EBF3: variants seen among roughly 807,000 people sequenced by gnomAD.
EBF3 encodes transcription factor COE3.
Under a neutral mutation model 77.1 loss-of-function variants are expected in EBF3, and 18 were observed. The observed-to-expected ratio is 0.23, with a 90% CI of 0.16 to 0.35. The LOEUF (loss-of-function observed/expected upper bound fraction) is 0.35. Among genes scored for constraint, EBF3 ranks in the 10% least tolerant of loss-of-function variants. EBF3 has a pLI of 1.00. For missense variants in EBF3, 558 were observed against 860.0 expected (o/e 0.65, Z 4.39); for synonymous variants, 350 against 343.5 (o/e 1.02, Z -0.21).
intron 6 of EBF3, among the ~76,000 whole-genome samples, chr10:129,927,565 C>G (rs772990895): frequency 2.0e-5 from 3 of 152,180 alleles, no homozygotes; most frequent in Non-Finnish European, 4.4e-5. Context: ...ACCCTGGCAA[C>G]GACGGGGAGC....
At chr10:129,917,240 A>C (rs1231189369) in intron 6 of EBF3, among the ~76,000 whole-genome samples, 2 of 152,122 alleles carry the variant, frequency 1.3e-5, no homozygotes, top group Non-Finnish European at 2.9e-5. Context: ...GTGGTGGCAC[A>C]CGCCTGTAGT....
chr10:129,880,211 C>T (rs1266904657), intron 6 of EBF3, among the ~76,000 whole-genome samples: 1 of 152,102 alleles, frequency 6.6e-6, no homozygotes, highest in South Asian at 2.1e-4. Context: ...AGGACAAAGT[C>T]GGGTGCTGGA....
chr10:129,948,115 A>G (rs1325201852), intron 6 of EBF3, among the ~76,000 whole-genome samples: 1 of 151,968 alleles, frequency 6.6e-6, no homozygotes, highest in Non-Finnish European at 1.5e-5. Context: ...AAAATTAGCC[A>G]GGTGTGGTGG....
Position 129,952,958 on chromosome 10 carries a change from G to A in EBF3, c.554+4300C>T, listed in dbSNP as rs1420843389. On this transcript the variant is annotated intron_variant, in intron 6 of 16. Coordinates refer to ENST00000440978, the MANE Select transcript of EBF3 (RefSeq NM_001375380.1). The surrounding 1 kb of genome is among the most constrained non-coding windows in gnomAD (Gnocchi z 4.7). The stretch of plus-strand genomic sequence containing the variant: ...AAAAGTCAATCCCATGAATAATTCA[G>A]TGAGCAGGACTGCCAGCAAAGGTCG... 2.0e-5 allele frequency among the ~76,000 whole-genome samples: 3 copies of A among 151,152 alleles called. No homozygotes were observed. Among genetic ancestry groups the A allele is most frequent in the African/African-American group, 7.3e-5 (3 of 41,026 alleles).
chr10:129,963,599 CCGGGGCCAGGGCGCGCGGGGG>C lies in EBF3; in HGVS notation c.134+15_134+35del, dbSNP rs1859708775. 1.6e-6 allele frequency: 2 copies of C among 1,266,112 alleles called. 1 individual carries two copies. Among genetic ancestry groups the C allele is most frequent in the Admixed American group, 8.3e-5 (2 of 24,152 alleles). 78.4% of individuals were successfully genotyped at this position (1,266,112 alleles called of 1,614,324 possible). On this transcript the variant is annotated intron_variant, in intron 1 of 16. Coordinates refer to ENST00000440978, the MANE Select transcript of EBF3 (RefSeq NM_001375380.1). This position sits in a 1 kb window ranked among gnomAD's most constrained non-coding sequence, Gnocchi z 7.1. ...CGGAGGGGGCCGGGCCGGGCCGGGG[CCGGGGCCAGGGCGCGCGGGGG>C]CGGCCGGTACGTACCTCTGGGCGGC... is the stretch of plus-strand genomic sequence containing the variant.
intron 4 of EBF3, among the ~76,000 whole-genome samples, chr10:129,960,151 C>T (rs913906369): frequency 6.6e-6 from 1 of 151,950 alleles, no homozygotes; most frequent in African/African-American, 2.4e-5. Context: ...GGGCGGGAGG[C>T]TGGGGCCGGG....
chr10:129,876,055 G>A (rs1222515166), intron 7 of EBF3, among the ~76,000 whole-genome samples: 1 of 152,196 alleles, frequency 6.6e-6, no homozygotes, highest in Non-Finnish European at 1.5e-5. Context: ...AAAGACACAG[G>A]CTTTGCAGTC....
chr10:129,907,677 A>G (rs1467752108), intron 6 of EBF3, among the ~76,000 whole-genome samples: 2 of 152,250 alleles, frequency 1.3e-5, no homozygotes, highest in African/African-American at 4.8e-5. Flanking sequence ...AAAATCTTTC[A>G]GTTTCAGTCA....
chr10:129,840,672 C>T (rs1849969121), intron 14 of EBF3, among the ~76,000 whole-genome samples, 172 bp downstream of exon 14: 1 of 152,184 alleles, frequency 6.6e-6, no homozygotes, highest in Non-Finnish European at 1.5e-5. Flanking sequence ...AATGAGATCA[C>T]ATCGGGCCCG....
intron 6 of EBF3, among the ~76,000 whole-genome samples, chr10:129,946,442 T>C (rs1858232099): frequency 6.6e-6 from 1 of 152,250 alleles, no homozygotes; most frequent in South Asian, 2.1e-4. Context: ...CCGGTAAATA[T>C]GCTGCTGACC....
intron 15 of EBF3, among the ~76,000 whole-genome samples, chr10:129,839,663 T>G (rs1212154302): frequency 6.6e-6 from 1 of 152,208 alleles, no homozygotes; most frequent in East Asian, 1.9e-4. Context: ...CAAAAGACAG[T>G]GCAGCCCTGC....
In EBF3 at chr10:129,864,603, C is replaced by G. The variant is rs144643808; in HGVS notation, c.1039+2538G>C. 1.3e-3 allele frequency among the ~76,000 whole-genome samples: 204 copies of G among 152,340 alleles called. 1 individual carries two copies. The highest frequency in any genetic ancestry group is 4.8e-3 in the African/African-American group (199 of 41,580). The stretch of plus-strand genomic sequence containing the variant: ...GAAGGCATCCACTAAAGCATTCATC[C>G]GGGATGGGCTGACAGTCCAGTGTAA... On this transcript the variant is annotated intron_variant, in intron 10 of 16. Coordinates refer to ENST00000440978, the MANE Select transcript of EBF3 (RefSeq NM_001375380.1). This position sits in a 1 kb window ranked among gnomAD's most constrained non-coding sequence, Gnocchi z 4.4.
intron 6 of EBF3, among the ~76,000 whole-genome samples, chr10:129,942,547 A>G (rs1325300433): frequency 6.6e-6 from 1 of 152,196 alleles, no homozygotes; most frequent in Admixed American, 6.5e-5. Flanking sequence ...GCTCAGGGAC[A>G]GTCAGGTCAA....
In EBF3 at chr10:129,835,632, A is replaced by G. The variant is rs888438084; in HGVS notation, c.*2311T>C. On this transcript the variant is annotated 3_prime_UTR_variant, in exon 17 of 17. Coordinates refer to ENST00000440978, the MANE Select transcript of EBF3 (RefSeq NM_001375380.1). ...TTTCCCATGTAGCTAGACCTTGTCA[A>G]CCATCACAAAGCCAGACTGTGACCT... The G allele has an allele frequency of 6.6e-6, 1 of 152,480 alleles. No homozygotes were observed. Among genetic ancestry groups the G allele is most frequent in the Admixed American group, 6.5e-5 (1 of 15,302 alleles). 9.4% of individuals were successfully genotyped at this position (152,480 alleles called of 1,614,324 possible).
intron 6 of EBF3, among the ~76,000 whole-genome samples, chr10:129,921,934 A>G (rs757368938): frequency 7.9e-5 from 12 of 152,142 alleles, no homozygotes; most frequent in Non-Finnish European, 1.3e-4. Flanking sequence ...TCTCTTGCTC[A>G]TCCCTGTGTG....
In EBF3 at chr10:129,897,718, T is replaced by C. The variant is rs565355157; in HGVS notation, c.555-19869A>G. On this transcript the variant is annotated intron_variant, in intron 6 of 16. Transcript: ENST00000440978. The surrounding 1 kb of genome is among the most constrained non-coding windows in gnomAD (Gnocchi z 4.6). Reference sequence around the variant, plus strand: ...AGTACAAGTTTTGATGTTATCAGAGTGGAAAAACAGCCCAAATGTCAAAGC... The same window carrying C: ...AGTACAAGTTTTGATGTTATCAGAGCGGAAAAACAGCCCAAATGTCAAAGC... Among the ~76,000 whole-genome samples, 3 of 152,252 alleles carry C rather than the reference T, an allele frequency of 2.0e-5. No individual in the cohort carries two copies. The East Asian group carries it at 5.8e-4, about 29-fold the overall frequency.
At chr10:129,954,496 G>C (rs549269439) in intron 6 of EBF3, among the ~76,000 whole-genome samples, 1 of 144,748 alleles carries the variant, frequency 6.9e-6, no homozygotes, top group African/African-American at 2.5e-5. Context: ...GAACTAAATT[G>C]TGTAATTAAT....
chr10:129,862,291 T>C (rs1020696055), intron 10 of EBF3, among the ~76,000 whole-genome samples: 1 of 152,210 alleles, frequency 6.6e-6, no homozygotes, highest in East Asian at 1.9e-4. Flanking sequence ...ATCACTTTTA[T>C]GTTCCCATCT....
At chr10:129,937,512 G>C (rs1857444700) in intron 6 of EBF3, among the ~76,000 whole-genome samples, 1 of 152,156 alleles carries the variant, frequency 6.6e-6, no homozygotes, top group African/African-American at 2.4e-5. Flanking sequence ...ACAACCTGTG[G>C]GGGTCTGCAA....
Sources: allele counts gnomAD v4.1 joint callset (sites outside exome capture counted in the v4.1 genomes callset), GRCh38; gene constraint gnomAD v4.1.1; non-coding constraint Gnocchi (gnomAD v3.1); transcripts MANE v1.5; gene names NCBI Gene and HGNC (gene_info 2026-07-23, HGNC 2026-07-21).